Variants in TFEB observed in about 807,000 individuals in gnomAD.
TFEB encodes T-cell transcription factor EB.
In TFEB, 12 loss-of-function variants were observed where a neutral mutation model predicts 48.0. The observed-to-expected ratio is 0.25, with a 90% CI of 0.16 to 0.40. The LOEUF (loss-of-function observed/expected upper bound fraction) is 0.40. Among genes scored for constraint, TFEB ranks in the 10% least tolerant of loss-of-function variants. The pLI is 1.00. For synonymous variants in TFEB, 244 were observed against 261.4 expected (o/e 0.93, Z 0.64); for missense variants, 509 against 640.3 (o/e 0.79, Z 2.21).
intron 1 of TFEB, among the ~76,000 whole-genome samples, chr6:41,700,701 G>A (rs1561858687): frequency 6.6e-6 from 1 of 152,130 alleles, no homozygotes; most frequent in Non-Finnish European, 1.5e-5. Context: ...GCAGGAGGTG[G>A]GGAGGAGGGA....
In TFEB at chr6:41,734,383, G is replaced by T. The variant is rs1424807329; in HGVS notation, c.-23+967C>A. 4.1e-6 allele frequency: 4 copies of T among 985,016 alleles called. No homozygotes were observed. The highest frequency in any genetic ancestry group is 4.8e-6 in the Non-Finnish European group (4 of 829,770). 61.0% of individuals were successfully genotyped at this position (985,016 alleles called of 1,614,324 possible). On this transcript the variant is annotated intron_variant, in intron 1 of 8. Coordinates refer to ENST00000373033, the MANE Select transcript of TFEB (RefSeq NM_001271944.2). This position sits in a 1 kb window ranked among gnomAD's most constrained non-coding sequence, Gnocchi z 4.0. ...TGCTCGCGCAGCCCGGAGCAGCTCG[G>T]GGCAGCCGTGCGTGAAGCCGGAACC...
At chr6:41,686,346 C>A in intron 7 of TFEB, 109 bp from the exon 8 acceptor site, 1 of 1,434,760 alleles carries the variant, frequency 7.0e-7, no homozygotes, top group Non-Finnish European at 9.5e-7. Context: ...TCTTACCCAG[C>A]AACCCCAGAC....
At chr6:41,714,296 A>G (rs1396191382) in intron 1 of TFEB, among the ~76,000 whole-genome samples, 2 of 152,206 alleles carry the variant, frequency 1.3e-5, no homozygotes, top group Non-Finnish European at 2.9e-5. Context: ...CTGAGAAAAG[A>G]GACGGTGAGA....
At position 41,691,369 on chromosome 6, in the gene TFEB, G is replaced by C; in HGVS notation, c.-22-134C>G. ...AAGACACCGAGCCCTGAGAGGGGAA[G>C]AGATTTGCCCAAGGTCACTGAGCAA... On this transcript the variant is annotated intron_variant, in intron 1 of 8. Transcript: ENST00000373033. This position sits in a 1 kb window ranked among gnomAD's most constrained non-coding sequence, Gnocchi z 5.2. 1 of 945,284 alleles carries C rather than the reference G, an allele frequency of 1.1e-6. No individual in the cohort carries two copies. The allele number at this position is 945,284 out of a possible 1,614,324, so 58.6% of individuals were successfully genotyped here. A position where few individuals can be genotyped will look rare whatever the true frequency, so the allele number is the denominator to read the frequency against.
chr6:41,689,984 G>A (rs1769213156), intron 3 of TFEB, among the ~76,000 whole-genome samples, 173 bp from the exon 4 acceptor site: 1 of 152,110 alleles, frequency 6.6e-6, no homozygotes, highest in Non-Finnish European at 1.5e-5. Flanking sequence ...AGGTCCCACT[G>A]GCCCAACATG....
intron 4 of TFEB, among the ~76,000 whole-genome samples, chr6:41,688,470 G>C (rs1183889545): frequency 6.6e-6 from 1 of 152,070 alleles, no homozygotes; most frequent in African/African-American, 2.4e-5. Flanking sequence ...AGCAGCTCAA[G>C]GGCAGAAGTG....
intron 1 of TFEB, among the ~76,000 whole-genome samples, chr6:41,699,640 C>A (rs536817426): frequency 6.6e-6 from 1 of 152,178 alleles, no homozygotes; most frequent in African/African-American, 2.4e-5. Context: ...GATAAGTAGT[C>A]GGAGTGTTTA....
intron 1 of TFEB, among the ~76,000 whole-genome samples, chr6:41,701,944 C>CAAAA (rs58971184): frequency 0.25 from 26,801 of 108,808 alleles, 3,092 homozygotes; most frequent in Non-Finnish European, 0.31. Context: ...GGCTCCGTCT[C>CAAAA]AAAAAAAAAA....
intron 1 of TFEB, among the ~76,000 whole-genome samples, chr6:41,716,282 C>G (rs79393868): frequency 0.02 from 3,049 of 152,316 alleles, 94 homozygotes; most frequent in African/African-American, 0.068. Flanking sequence ...TGGTACACCC[C>G]CTCCCTATAA....
chr6:41,735,902 G>GCTGT (rs1178325197), upstream of TFEB, among the ~76,000 whole-genome samples: 1 of 152,192 alleles, frequency 6.6e-6, no homozygotes, highest in African/African-American at 2.4e-5. Context: ...CCTGCAGCCT[G>GCTGT]CTGTCCTTCG....
intron 1 of TFEB, among the ~76,000 whole-genome samples, chr6:41,716,112 G>C (rs773455068): frequency 2.0e-5 from 3 of 152,206 alleles, no homozygotes; most frequent in Non-Finnish European, 1.5e-5. Flanking sequence ...TATTTAGGCA[G>C]TTCATACAGT....
At position 41,730,239 on chromosome 6, in the gene TFEB, G is replaced by C. The variant is rs540658593; in HGVS notation, c.-23+5111C>G. 6.6e-6 allele frequency among the ~76,000 whole-genome samples: 1 copy of C among 152,202 alleles called. No individual in the cohort carries two copies. The highest frequency in any genetic ancestry group is 2.4e-5 in the African/African-American group (1 of 41,444). On this transcript the variant is annotated intron_variant, in intron 1 of 8. Transcript: ENST00000373033. This position sits in a 1 kb window ranked among gnomAD's most constrained non-coding sequence, Gnocchi z 4.1. The stretch of plus-strand genomic sequence containing the variant: ...TACCCAGCCAGGCTGCAGTAAGATG[G>C]AACAGTGCCCCGGTCTCTCTGAAAT...
chr6:41,712,720 G>A (rs796956579), intron 1 of TFEB, among the ~76,000 whole-genome samples: 9 of 152,050 alleles, frequency 5.9e-5, no homozygotes, highest in Non-Finnish European at 8.8e-5. Flanking sequence ...GGGCAGGCAC[G>A]GGGCCCAGGC....
chr6:41,709,285 G>A (rs1398444117), intron 1 of TFEB, among the ~76,000 whole-genome samples: 1 of 149,986 alleles, frequency 6.7e-6, no homozygotes, highest in East Asian at 1.9e-4. Context: ...CTTTCTAGCT[G>A]TGTGACCTTC....
intron 3 of TFEB, among the ~76,000 whole-genome samples, chr6:41,690,330 A>G (rs986677210): frequency 1.1e-4 from 17 of 151,892 alleles, no homozygotes; most frequent in African/African-American, 4.1e-4. Context: ...GGGTTTCACT[A>G]TGTTGGCCAG....
Position 41,691,805 on chromosome 6 carries a change from A to G in TFEB, c.-22-570T>C, listed in dbSNP as rs1362665798. On this transcript the variant is annotated intron_variant, in intron 1 of 8. Coordinates refer to ENST00000373033, the MANE Select transcript of TFEB (RefSeq NM_001271944.2). This position sits in a 1 kb window ranked among gnomAD's most constrained non-coding sequence, Gnocchi z 5.2. ...GGGAAAAGCTAAAGTCCTTACCATG[A>G]CTGGAAAGGCCCCCTAGGATCTGGC... 1.3e-5 allele frequency among the ~76,000 whole-genome samples: 2 copies of G among 152,084 alleles called. No individual in the cohort carries two copies. Among genetic ancestry groups the G allele is most frequent in the Non-Finnish European group, 2.9e-5 (2 of 67,988 alleles).
intron 1 of TFEB, chr6:41,735,066 C>T (rs1439945937): frequency 1.0e-6 from 1 of 985,110 alleles, no homozygotes; most frequent in African/African-American, 1.7e-5. Context: ...CGGCCCCTCC[C>T]GCCCGGTTAC....
rs1230529997 is a variant in TFEB at position 41,684,819 on chromosome 6, C to T, written c.1211G>A (p.Gly404Asp). The T allele has an allele frequency of 8.2e-6, 13 of 1,594,522 alleles. No individual in the cohort carries two copies. Among genetic ancestry groups the T allele is most frequent in the African/African-American group, 4.0e-5 (3 of 74,434 alleles). Residue 404 changes from glycine to aspartate, a missense_variant, in exon 9 of 9, where the codon GGC (glycine) becomes GAC (aspartate). Physicochemically the swap from Gly to Asp is moderately conservative, Grantham distance 94. Around this residue, in one of 4 missense-constraint regions of TFEB, gnomAD observed 168 missense variants for 161.0 expected, o/e 1.04. Coordinates refer to ENST00000373033, the MANE Select transcript of TFEB (RefSeq NM_001271944.2). Reference sequence around the variant, plus strand: ...GCCCGGGGGACCCTCGTCCTCCCTGCCCCCAAAGCTCAGGCTGTGGCTGAA... The same window carrying T: ...GCCCGGGGGACCCTCGTCCTCCCTGTCCCCAAAGCTCAGGCTGTGGCTGAA... ...LDFSHSLSFG[G>D]REDEGPPGYP...
Position 41,684,610 on chromosome 6 carries a change from C to A in TFEB, c.1420G>T (p.Asp474Tyr), listed in dbSNP as rs749108653. 1 of 1,583,234 alleles carries A rather than the reference C, an allele frequency of 6.3e-7. No homozygotes were observed. Among genetic ancestry groups the A allele is most frequent in the Non-Finnish European group, 8.6e-7 (1 of 1,165,116 alleles). Residue 474 changes from aspartate (D) to tyrosine (Y), a missense_variant, in exon 9 of 9, where the codon GAT (aspartate) becomes TAT (tyrosine). Physicochemically the swap from Asp to Tyr is radical, Grantham distance 160. Around this residue, in one of 4 missense-constraint regions of TFEB, gnomAD observed 168 missense variants for 161.0 expected, o/e 1.04. Coordinates refer to ENST00000373033, the MANE Select transcript of TFEB (RefSeq NM_001271944.2). ...AGGGGCAGCCAGGGTCACAGCACAT[C>A]GCCCTCCTCCATGCTGAAGCTGCTC... Reference protein sequence around the residue: ...RRSSFSMEEGDVL With the variant: ...RRSSFSMEEGYVL
Sources: gnomAD v4.1 joint callset for allele counts (sites outside exome capture counted in the v4.1 genomes callset) on GRCh38, gnomAD v4.1.1 for gene constraint, gnomAD v4.1.1 regional missense constraint, Gnocchi (gnomAD v3.1) non-coding constraint, MANE v1.5 for transcripts, NCBI Gene and HGNC (gene_info 2026-07-23, HGNC 2026-07-21) for gene names.